DNAH14: variants seen among roughly 807,000 people sequenced by gnomAD.
DNAH14 encodes dynein axonemal heavy chain 14, also known as axonemal beta dynein heavy chain 14.
A neutral mutation model predicts 520.9 loss-of-function variants in DNAH14; 478 were observed. The observed-to-expected ratio is 0.92, with a 90% CI of 0.85 to 0.99. The LOEUF is 0.99. Ranked by LOEUF, DNAH14 falls within the 50% of genes least tolerant of loss-of-function variation. The pLI, the probability that DNAH14 is intolerant of heterozygous loss-of-function variation, is 0.00. For synonymous variants in DNAH14, 1,581 were observed against 1,757.2 expected, an observed-to-expected ratio of 0.90 and a Z score of 2.51; for missense variants, 4,831 against 5,234.5, an observed-to-expected ratio of 0.92 and a Z score of 2.38.
chr1:225,228,456 C>T (rs1217940544), intron 41 of DNAH14, among the ~76,000 whole-genome samples: 1 of 149,066 alleles, frequency 6.7e-6, no homozygotes, highest in East Asian at 2.1e-4. Context: ...GGTGAAACAA[C>T]ACCTCTGGGG....
intron 35 of DNAH14, among the ~76,000 whole-genome samples, chr1:225,166,004 T>A (rs1230575500): frequency 2.0e-5 from 3 of 152,136 alleles, no homozygotes; most frequent in Admixed American, 2.0e-4. Context: ...TTGAAGATTT[T>A]GATTTATATT....
chr1:225,206,954 C>G lies in DNAH14; in HGVS notation c.6187-14C>G. On this transcript the variant is annotated splice_polypyrimidine_tract_variant and intron_variant, in intron 40 of 85. Transcript: ENST00000682510. The stretch of plus-strand genomic sequence containing the variant: ...TTTATTTACATAAGATTATATTTTG[C>G]TCCTTATTATTAGGATCCTGTTGAT... 6.9e-7 allele frequency: 1 copy of G among 1,458,070 alleles called. No individual in the cohort carries two copies. Among genetic ancestry groups the G allele is most frequent in the Non-Finnish European group, 9.1e-7 (1 of 1,104,706 alleles). 90.3% of individuals were successfully genotyped at this position (1,458,070 alleles called of 1,614,324 possible). A position where few individuals can be genotyped will look rare whatever the true frequency, so the allele number is the denominator to read the frequency against.
intron 8 of DNAH14, among the ~76,000 whole-genome samples, chr1:224,985,897 C>G (rs1439019171): frequency 2.0e-5 from 3 of 151,550 alleles, no homozygotes; most frequent in African/African-American, 7.3e-5. Context: ...AGCATGCCTA[C>G]AAGATCTAGA....
At chr1:225,107,832 A>AT (rs1211942202) in intron 23 of DNAH14, among the ~76,000 whole-genome samples, 3 of 152,276 alleles carry the variant, frequency 2.0e-5, no homozygotes, top group African/African-American at 7.2e-5. Context: ...GAAAAAAGCC[A>AT]TTTTAACTGA....
chr1:225,391,260 G>A (rs1274745849), intron 83 of DNAH14, among the ~76,000 whole-genome samples: 2 of 152,164 alleles, frequency 1.3e-5, no homozygotes, highest in African/African-American at 2.4e-5. Context: ...TAGGAAGGAA[G>A]AAGGGCAGGG....
intron 8 of DNAH14, among the ~76,000 whole-genome samples, chr1:224,985,079 T>G (rs2125715016): frequency 6.6e-6 from 1 of 152,256 alleles, no homozygotes; most frequent in African/African-American, 2.4e-5. Context: ...GAACTAAAAG[T>G]AGAACTACCA....
At chr1:225,242,237 A>C (rs1328706229) in intron 43 of DNAH14, among the ~76,000 whole-genome samples, 1 of 151,918 alleles carries the variant, frequency 6.6e-6, no homozygotes, top group African/African-American at 2.4e-5. Context: ...CAGCCTCAAA[A>C]AAAAAATTTT....
chr1:225,374,138 T>C (rs12735713), intron 77 of DNAH14, among the ~76,000 whole-genome samples: 1 of 98,182 alleles, frequency 1.0e-5, no homozygotes, highest in East Asian at 3.1e-4. Context: ...CCAATATTTG[T>C]GTCTTACTAT....
chr1:225,161,691 T>A (rs1328224513), intron 35 of DNAH14, among the ~76,000 whole-genome samples: 1 of 152,194 alleles, frequency 6.6e-6, no homozygotes, highest in African/African-American at 2.4e-5. Context: ...TCTCTTTGGA[T>A]ATAAGCCATC....
chr1:225,279,653 C>T (rs558659207), intron 54 of DNAH14, among the ~76,000 whole-genome samples: 1 of 151,934 alleles, frequency 6.6e-6, no homozygotes, highest in Non-Finnish European at 1.5e-5. Flanking sequence ...CAGAGGAAAA[C>T]AAGAAAACTA....
In DNAH14 at chr1:224,930,605, C is replaced by CT. The variant is rs926609238; in HGVS notation, c.-34+780dup. On this transcript the variant is annotated intron_variant, in intron 1 of 85. Coordinates refer to ENST00000682510, the MANE Select transcript of DNAH14 (RefSeq NM_001367479.1). ...TTGCTTATGTATTTACTATACCATA[C>CT]TTTTTTTTTTGAGACGGAGCCTCGC... Among the ~76,000 whole-genome samples the CT allele has an allele frequency of 1.3e-3, 202 of 150,034 alleles. 1 individual carries two copies. Among genetic ancestry groups the CT allele is most frequent in the African/African-American group, 4.5e-3 (186 of 40,966 alleles).
chr1:225,265,134 C>A, intron 47 of DNAH14, 48 bp from the exon 48 acceptor site: 2 of 1,287,838 alleles, frequency 1.6e-6, no homozygotes, highest in South Asian at 3.8e-5. Flanking sequence ...CAAAAATGTT[C>A]TTAAAGTGTC....
At chr1:225,397,182 T>A (rs2096023372) in intron 84 of DNAH14, 1 of 152,220 alleles carries the variant, frequency 6.6e-6, no homozygotes, top group Non-Finnish European at 1.5e-5. Flanking sequence ...TTTCACCGTG[T>A]TAGCCAGGAT....
intron 27 of DNAH14, among the ~76,000 whole-genome samples, chr1:225,133,606 C>T (rs967595769): frequency 6.6e-6 from 1 of 152,162 alleles, no homozygotes; most frequent in African/African-American, 2.4e-5. Flanking sequence ...TGTACCAGCA[C>T]CATGCTGTTT....
intron 38 of DNAH14, among the ~76,000 whole-genome samples, chr1:225,194,623 A>T (rs78927803): frequency 0.021 from 3,232 of 152,282 alleles, 90 homozygotes; most frequent in African/African-American, 0.062. Context: ...CAAAGATTTC[A>T]TGATGAAGAC....
intron 79 of DNAH14, 119 bp from the exon 80 acceptor site, chr1:225,380,040 G>A: frequency 9.4e-7 from 1 of 1,058,394 alleles, no homozygotes. Context: ...TCCTACAGTG[G>A]TATAGAACAC....
rs767635415 is a variant in DNAH14, at chr1:225,307,510, G to A, written c.9055G>A (p.Val3019Ile). The change falls in exon 59 of 86, where the codon GTT becomes ATT. Residue 3019 changes from valine to isoleucine, a missense_variant. Val to Ile is a conservative substitution (Grantham distance 29). Transcript: ENST00000682510. The stretch of plus-strand genomic sequence containing the variant: ...CACAATCCTGGAAGCAACCACTCTA[G>A]TTACAGAAATGCAAGAAGAGCTCTT... ...LSTILEATTL[V>I]TEMQEELLIL... 1 of 1,547,708 alleles carries A rather than the reference G, an allele frequency of 6.5e-7. No individual in the cohort carries two copies. Among genetic ancestry groups the A allele is most frequent in the Non-Finnish European group, 8.7e-7 (1 of 1,145,854 alleles).
At chr1:224,963,695 A>G (rs1403203527) in intron 4 of DNAH14, among the ~76,000 whole-genome samples, 1 of 152,082 alleles carries the variant, frequency 6.6e-6, no homozygotes, top group East Asian at 1.9e-4. Context: ...TCAGACATAC[A>G]CAGTTTGTAC....
chr1:224,999,376 T>C (rs1436070424), intron 8 of DNAH14, among the ~76,000 whole-genome samples: 1 of 152,014 alleles, frequency 6.6e-6, no homozygotes, highest in African/African-American at 2.4e-5. Context: ...CCGGCTAATT[T>C]TGTATTTTTA....
Sources: gnomAD v4.1 joint callset for allele counts (sites outside exome capture counted in the v4.1 genomes callset) on GRCh38, gnomAD v4.1.1 for gene constraint, MANE v1.5 for transcripts, NCBI Gene and HGNC (gene_info 2026-07-23, HGNC 2026-07-21) for gene names.